CPM: variants seen among roughly 807,000 people sequenced by gnomAD.
The protein encoded by CPM is carboxypeptidase M.
CPM carries 35 observed loss-of-function variants against 46.4 expected under a neutral mutation model. The observed-to-expected ratio is 0.75, with a 90% CI of 0.58 to 1.00. The LOEUF (loss-of-function observed/expected upper bound fraction) is 1.00. CPM is among the 50% of genes least tolerant of loss of function. The pLI is 0.00. For missense variants in CPM, 422 were observed against 530.4 expected, an observed-to-expected ratio of 0.80 and a Z score of 2.01; for synonymous variants, 195 against 195.3, an observed-to-expected ratio of 1.00 and a Z score of 0.01.
At chr12:68,847,724 A>T (rs1592617329), downstream of CPM, 1 of 152,048 alleles carries the variant, frequency 6.6e-6, no homozygotes, top group South Asian at 2.1e-4. Context: ...AAGTGCTGGG[A>T]TTACAGGCGT....
At chr12:68,918,756 T>C (rs1178262563) in intron 2 of CPM, among the ~76,000 whole-genome samples, 1 of 152,052 alleles carries the variant, frequency 6.6e-6, no homozygotes, top group Non-Finnish European at 1.5e-5. Context: ...CAAATCACCA[T>C]CATCAACATT....
In CPM at chr12:68,852,090, C is replaced by G. The variant is rs1253078692; in HGVS notation, c.*4347G>C. 6.6e-6 allele frequency: 1 copy of G among 152,176 alleles called. No homozygotes were observed. Among genetic ancestry groups the G allele is most frequent in the Non-Finnish European group, 1.5e-5 (1 of 68,024 alleles). 9.4% of individuals were successfully genotyped at this position (152,176 alleles called of 1,614,324 possible). A position where few individuals can be genotyped will look rare whatever the true frequency, so the allele number is the denominator to read the frequency against. Reference sequence around the variant, plus strand: ...AGCTAACTTGTACCATTTTTAGAAACAGATCACAAATGCAAATTTGCTTCT... The same window carrying G: ...AGCTAACTTGTACCATTTTTAGAAAGAGATCACAAATGCAAATTTGCTTCT... On this transcript the variant is annotated 3_prime_UTR_variant, in exon 9 of 9. Coordinates refer to ENST00000551568, the MANE Select transcript of CPM (RefSeq NM_198320.5).
intron 5 of CPM, chr12:68,842,656 T>TAGC (rs1592606863): frequency 4.6e-6 from 1 of 216,274 alleles, no homozygotes; most frequent in East Asian, 7.1e-5. Flanking sequence ...CTAGACAACA[T>TAGC]GTAATTAATG....
At chr12:68,895,387 C>T (rs180914246) in intron 2 of CPM, among the ~76,000 whole-genome samples, 239 of 152,282 alleles carry the variant, frequency 1.6e-3, no homozygotes, top group African/African-American at 5.2e-3. Context: ...CTGTCAGCTT[C>T]GGTCCTGGAG....
chr12:68,953,666 G>A (rs908233985), intron 1 of CPM, among the ~76,000 whole-genome samples: 10 of 152,212 alleles, frequency 6.6e-5, no homozygotes, highest in African/African-American at 2.4e-4. Context: ...GGTGCAGCCT[G>A]GAGGCAGAGA....
intron 2 of CPM, among the ~76,000 whole-genome samples, chr12:68,910,886 TC>T (rs1467687673): frequency 6.6e-6 from 1 of 152,196 alleles, no homozygotes; most frequent in Non-Finnish European, 1.5e-5. Flanking sequence ...TTGGTCTTTT[TC>T]CTAAGATAAC....
Position 68,855,548 on chromosome 12 carries a change from C to T in CPM, c.*889G>A, listed in dbSNP as rs1884924908. The T allele has an allele frequency of 6.6e-6, 1 of 152,008 alleles. No individual in the cohort carries two copies. Among genetic ancestry groups the T allele is most frequent in the Non-Finnish European group, 1.5e-5 (1 of 68,004 alleles). 9.4% of individuals were successfully genotyped at this position (152,008 alleles called of 1,614,324 possible). On this transcript the variant is annotated 3_prime_UTR_variant, in exon 9 of 9. Coordinates refer to ENST00000551568, the MANE Select transcript of CPM (RefSeq NM_198320.5). ...AGCTCTATAGAGACACAATCTTATC[C>T]CTTCAGGCCTGTATTTTCTTGGGCC...
intron 1 of CPM, among the ~76,000 whole-genome samples, chr12:68,960,078 T>G (rs1434956619): frequency 6.6e-6 from 1 of 152,230 alleles, no homozygotes; most frequent in African/African-American, 2.4e-5. Context: ...TTTTGAGACC[T>G]AGTCTAAGTC....
chr12:68,961,887 T>A (rs749397767), intron 1 of CPM, among the ~76,000 whole-genome samples: 1 of 152,158 alleles, frequency 6.6e-6, no homozygotes, highest in Non-Finnish European at 1.5e-5. Flanking sequence ...GTGGTCTTTT[T>A]AAAATAGGTT....
At chr12:68,950,804 AG>A (rs1888921794) in intron 1 of CPM, among the ~76,000 whole-genome samples, 1 of 152,202 alleles carries the variant, frequency 6.6e-6, no homozygotes. Context: ...GCCTGGAGGT[AG>A]GGAGATACCA....
intron 2 of CPM, among the ~76,000 whole-genome samples, chr12:68,886,683 G>A (rs1328517427): frequency 1.3e-5 from 2 of 152,070 alleles, no homozygotes; most frequent in Non-Finnish European, 2.9e-5. Flanking sequence ...TCAGAAGGGA[G>A]ATTGTTTTTA....
downstream of CPM, chr12:68,848,502 G>T (rs1884482609): frequency 6.6e-6 from 1 of 151,990 alleles, no homozygotes; most frequent in Admixed American, 6.6e-5. Context: ...CCAAATTATT[G>T]TTTGTGCAAT....
rs200349035 is a variant in CPM, at chr12:68,869,395, T to A, written c.717A>T (p.Gly239=). Reference sequence around the variant, plus strand: ...AGTTCATTTTGTTTTTACACTCGTCTCCTTTCTTCATGTTGGGATTTCTTG... The same window carrying A: ...AGTTCATTTTGTTTTTACACTCGTCACCTTTCTTCATGTTGGGATTTCTTG... The part of the protein sequence containing the change: ...YASRNPNMKK[G]DECKNKMNFP... Residue 239 remains glycine (G), a synonymous_variant, in exon 6 of 9, where the codon GGA becomes GGT. Coordinates refer to ENST00000551568, the MANE Select transcript of CPM (RefSeq NM_198320.5). The A allele has an allele frequency of 1.9e-6, 3 of 1,614,108 alleles. No individual in the cohort carries two copies. The highest frequency in any genetic ancestry group is 2.5e-6 in the Non-Finnish European group (3 of 1,179,988).
At chr12:68,962,148 C>G (rs11177421) in intron 1 of CPM, among the ~76,000 whole-genome samples, 1 of 143,212 alleles carries the variant, frequency 7.0e-6, no homozygotes, top group South Asian at 2.2e-4. Context: ...TGCAGTGAGC[C>G]AAGATAGCGC....
At chr12:68,916,109 C>G (rs1170965591) in intron 2 of CPM, among the ~76,000 whole-genome samples, 1 of 152,178 alleles carries the variant, frequency 6.6e-6, no homozygotes, top group African/African-American at 2.4e-5. Context: ...CTGTTACATA[C>G]TGCCTCAAAT....
chr12:68,938,209 A>T (rs146691937), intron 1 of CPM, among the ~76,000 whole-genome samples: 92 of 152,230 alleles, frequency 6.0e-4, no homozygotes, highest in African/African-American at 2.0e-3. Flanking sequence ...ATAAAAGAAA[A>T]ATTTTAAACT....
intron 1 of CPM, among the ~76,000 whole-genome samples, chr12:68,948,974 C>T (rs1363845117): frequency 6.6e-6 from 1 of 152,198 alleles, no homozygotes; most frequent in East Asian, 1.9e-4. Flanking sequence ...ATACATATTT[C>T]CTCCACTAAA....
upstream of CPM, among the ~76,000 whole-genome samples, chr12:68,934,515 C>G (rs562779562): frequency 2.0e-5 from 3 of 152,098 alleles, no homozygotes; most frequent in South Asian, 2.1e-4. Context: ...TCTGCCCTTG[C>G]GATAGTTTGC....
chr12:68,908,761 A>G (rs1300916354), intron 2 of CPM, among the ~76,000 whole-genome samples: 1 of 152,210 alleles, frequency 6.6e-6, no homozygotes, highest in African/African-American at 2.4e-5. Flanking sequence ...GCATAAAGAA[A>G]AGGACTGACG....
Sources: gnomAD v4.1 joint callset for allele counts (sites outside exome capture counted in the v4.1 genomes callset) on GRCh38, gnomAD v4.1.1 for gene constraint, MANE v1.5 for transcripts, NCBI Gene and HGNC (gene_info 2026-07-23, HGNC 2026-07-21) for gene names.